CNBD2: variants seen among roughly 807,000 people sequenced by gnomAD.
CNBD2 encodes the protein cyclic nucleotide binding domain containing 2, also known as cyclic nucleotide-binding domain-containing protein 2.
CNBD2 carries 64 observed loss-of-function variants against 63.7 expected under a neutral mutation model. The observed-to-expected ratio is 1.00, with a 90% CI of 0.82 to 1.24. The LOEUF (loss-of-function observed/expected upper bound fraction) is 1.24, where lower values mean the gene tolerates loss of function less well. CNBD2 is among the 50% of genes most tolerant of loss of function. The probability of loss-of-function intolerance (pLI) is 0.00; values close to 1 mark genes in which losing one functional copy is unlikely to be tolerated. For synonymous variants in CNBD2, 229 were observed against 255.4 expected, an observed-to-expected ratio of 0.90 and a Z score of 0.99; for missense variants, 691 against 713.5, an observed-to-expected ratio of 0.97 and a Z score of 0.36.
chr20:35,975,118 C>T (rs1199077045), intron 2 of CNBD2, among the ~76,000 whole-genome samples: 2 of 137,854 alleles, frequency 1.5e-5, no homozygotes, highest in Non-Finnish European at 3.1e-5. Flanking sequence ...TCTCCTGCCT[C>T]AGCCTCCCGA....
In CNBD2 at chr20:36,023,010, G is replaced by T. The variant is rs549277232; in HGVS notation, c.1270-592G>T. ...AAACAAAAACAAAACAAAACAAAAA[G>T]CTGTAATTGGACATTGGGGAAAACT... On this transcript the variant is annotated intron_variant, in intron 10 of 11. Transcript: ENST00000373973. Among the ~76,000 whole-genome samples the T allele has an allele frequency of 1.1e-3, 170 of 152,316 alleles. 3 individuals are homozygous for T. The highest frequency in any genetic ancestry group is 3.4e-3 in the Middle Eastern group (1 of 294).
chr20:35,972,705 T>G lies in CNBD2; in HGVS notation c.128T>G (p.Phe43Cys). The change falls in exon 2 of 12, where the codon TTC becomes TGC. Residue 43 changes from phenylalanine to cysteine, a missense_variant. Transcript: ENST00000373973. ...ATGTTCCGCCAAGGCCTCAGGGGAT[T>G]CCGGGAATATCAAATCATTGAGACT... ...CKMFRQGLRG[F>C]REYQIIETAH... 6.2e-7 allele frequency: 1 copy of G among 1,614,060 alleles called. No individual in the cohort carries two copies. The highest frequency in any genetic ancestry group is 8.5e-7 in the Non-Finnish European group (1 of 1,179,960).
exon 1 of CNBD2, chr20:35,954,870 C>T (rs1036311718): frequency 1.7e-5 from 5 of 297,540 alleles, no homozygotes; most frequent in Non-Finnish European, 2.8e-5. Context: ...GAGTGGCGCC[C>T]GGCCGGTGGT....
rs2056511106 is a variant in CNBD2, at chr20:35,975,932, T to G, written c.190-17T>G. On this transcript the variant is annotated splice_polypyrimidine_tract_variant and intron_variant, in intron 2 of 11. Coordinates refer to ENST00000373973, the MANE Select transcript of CNBD2 (RefSeq NM_001365709.1). ...TCTTGCTGATTCTCCCTCTTCTCCC[T>G]GCCCTCTTTCTTTCAGAAAAAGATG... The G allele has an allele frequency of 6.2e-7, 1 of 1,611,298 alleles. No homozygotes were observed. The highest frequency in any genetic ancestry group is 8.5e-7 in the Non-Finnish European group (1 of 1,177,764).
chr20:36,023,752 C>G lies in CNBD2; in HGVS notation c.1420C>G (p.Leu474Val), dbSNP rs760016779. 1.2e-6 allele frequency: 2 copies of G among 1,611,810 alleles called. No homozygotes were observed. Among genetic ancestry groups the G allele is most frequent in the Admixed American group, 1.7e-5 (1 of 59,772 alleles). The change falls in exon 11 of 12, where the codon CTC becomes GTC. Residue 474 changes from leucine (L) to valine (V), a missense_variant. Coordinates refer to ENST00000373973, the MANE Select transcript of CNBD2 (RefSeq NM_001365709.1). The part of the protein sequence containing the change: ...DDEMIKKLLK[L>V]NIAFPSDEDM... ...CGAGATGATAAAAAAGTTGTTAAAG[C>G]TCAATATTGCATTCCCCAGGTCAGT...
Position 35,972,614 on chromosome 20 carries a change from G to A in CNBD2, c.52-15G>A, listed in dbSNP as rs1760856509. The A allele has an allele frequency of 6.2e-7, 1 of 1,613,430 alleles. No individual in the cohort carries two copies. The highest frequency in any genetic ancestry group is 1.3e-5 in the African/African-American group (1 of 74,906). ...CAGATGGTTTCTATTGATCTTGTTT[G>A]CTTTGTTTCCATAGGGACTGTACCA... On this transcript the variant is annotated splice_polypyrimidine_tract_variant and intron_variant, in intron 1 of 11. Transcript: ENST00000373973.
chr20:35,988,441 G>C (rs1479267977), intron 7 of CNBD2, among the ~76,000 whole-genome samples: 1 of 152,192 alleles, frequency 6.6e-6, no homozygotes, highest in Non-Finnish European at 1.5e-5. Flanking sequence ...AAAGTGCTGG[G>C]ATTACAGATG....
At chr20:35,980,706 GC>G in intron 4 of CNBD2, 84 bp downstream of exon 4, 1 of 1,296,428 alleles carries the variant, frequency 7.7e-7, no homozygotes, top group Non-Finnish European at 1.1e-6. Flanking sequence ...GGCAGGTCCT[GC>G]CCACCCCTCT....
chr20:36,000,323 G>A (rs2487688), intron 8 of CNBD2, among the ~76,000 whole-genome samples: 5,426 of 152,022 alleles, frequency 0.036, 337 homozygotes, highest in African/African-American at 0.12. Context: ...CAGCAAATCC[G>A]TTCATATTTT....
chr20:36,027,024 A>C (rs760278902), intron 11 of CNBD2, among the ~76,000 whole-genome samples: 1 of 152,252 alleles, frequency 6.6e-6, no homozygotes, highest in Non-Finnish European at 1.5e-5. Context: ...CAGAAGATTG[A>C]AAAACACTGA....
At chr20:36,011,039 G>A in intron 9 of CNBD2, 98 bp from the exon 10 acceptor site, 5 of 1,246,186 alleles carry the variant, frequency 4.0e-6, no homozygotes, top group Non-Finnish European at 5.2e-6. Flanking sequence ...CCCAGGGAGG[G>A]GAGCCCTCCA....
intron 10 of CNBD2, among the ~76,000 whole-genome samples, chr20:36,015,177 CTAT>C (rs1204523359): frequency 6.6e-6 from 1 of 151,984 alleles, no homozygotes; most frequent in African/African-American, 2.4e-5. Flanking sequence ...TGAGAAATGT[CTAT>C]TCAGAGTTTT....
At chr20:35,981,173 C>T (rs770358624) in intron 4 of CNBD2, among the ~76,000 whole-genome samples, 3 of 152,076 alleles carry the variant, frequency 2.0e-5, no homozygotes, top group Non-Finnish European at 2.9e-5. Flanking sequence ...TTTGGAGATT[C>T]GGGTTCTAGC....
At chr20:36,003,472 C>G (rs1461421696) in intron 8 of CNBD2, among the ~76,000 whole-genome samples, 1 of 152,110 alleles carries the variant, frequency 6.6e-6, no homozygotes, top group Admixed American at 6.5e-5. Context: ...GGGGTCAGAA[C>G]AGTGTTTAAT....
chr20:35,973,561 C>G lies in CNBD2; in HGVS notation c.189+795C>G, dbSNP rs1488631724. 3 of 152,344 alleles carry G rather than the reference C, an allele frequency of 2.0e-5. No individual in the cohort carries two copies. The East Asian group carries it at 5.8e-4, about 29-fold the overall frequency. 9.4% of individuals were successfully genotyped at this position (152,344 alleles called of 1,614,324 possible). The stretch of plus-strand genomic sequence containing the variant: ...AGTAGCTGGGACTACAGGCACCCGC[C>G]ACCACACCCAGCTAATTTTTTGTAT... On this transcript the variant is annotated intron_variant, in intron 2 of 11. Coordinates refer to ENST00000373973, the MANE Select transcript of CNBD2 (RefSeq NM_001365709.1).
At chr20:35,957,187 C>T (rs1360805674), downstream of CNBD2, among the ~76,000 whole-genome samples, 8 of 152,064 alleles carry the variant, frequency 5.3e-5, no homozygotes, top group Non-Finnish European at 1.2e-4. Flanking sequence ...TGGAAGGGCC[C>T]TTAGAAATGG....
exon 1 of CNBD2, chr20:35,954,856 G>C (rs906164989): frequency 3.3e-6 from 1 of 302,660 alleles, no homozygotes; most frequent in Admixed American, 5.1e-5. Flanking sequence ...GCCGGGGCTC[G>C]TTCGAGTGGC....
chr20:36,011,910 C>T (rs544740383), intron 10 of CNBD2, among the ~76,000 whole-genome samples: 1 of 152,270 alleles, frequency 6.6e-6, no homozygotes, highest in Admixed American at 6.5e-5. Context: ...GTAGCCCCAG[C>T]ACTTTGGGAG....
chr20:35,966,349 C>G (rs1447232196), upstream of CNBD2, among the ~76,000 whole-genome samples: 1 of 152,172 alleles, frequency 6.6e-6, no homozygotes, highest in East Asian at 1.9e-4. Flanking sequence ...TCTCAGCTGT[C>G]CAGCCATCTT....
Sources: gnomAD v4.1 joint callset for allele counts (sites outside exome capture counted in the v4.1 genomes callset) on GRCh38, gnomAD v4.1.1 for gene constraint, MANE v1.5 for transcripts, NCBI Gene and HGNC (gene_info 2026-07-23, HGNC 2026-07-21) for gene names.